Variants in LRFN2 observed in about 807,000 individuals in gnomAD.
The protein encoded by LRFN2 is leucine-rich repeat and fibronectin type-III domain-containing protein 2.
Under a neutral mutation model 37.3 loss-of-function variants are expected in LRFN2, and 18 were observed. That is an observed-to-expected ratio of 0.48 (90% confidence interval 0.33 to 0.72). The LOEUF is 0.72. Ranked by LOEUF, LRFN2 falls within the 30% of genes least tolerant of loss-of-function variation. The probability of loss-of-function intolerance (pLI) is 0.02; values close to 1 mark genes in which losing one functional copy is unlikely to be tolerated. For synonymous variants in LRFN2, 556 were observed against 466.6 expected (o/e 1.19, Z -2.47); for missense variants, 1,006 against 1,060.7 (o/e 0.95, Z 0.72).
chr6:40,518,947 G>T (rs948713186), intron 1 of LRFN2, among the ~76,000 whole-genome samples: 1 of 152,130 alleles, frequency 6.6e-6, no homozygotes, highest in African/African-American at 2.4e-5. Context: ...GAGTCTGGGG[G>T]CAGCAGAGAG....
chr6:40,403,296 C>G lies in LRFN2; in HGVS notation c.1401-10384G>C, dbSNP rs570000025. On this transcript the variant is annotated intron_variant, in intron 2 of 2. Coordinates refer to ENST00000338305, the MANE Select transcript of LRFN2 (RefSeq NM_020737.3). The stretch of plus-strand genomic sequence containing the variant: ...CCAAATGCTGGCCTTCCCTAAGCAC[C>G]AGGGCCTGAGTGATAATGGGGGAAG... Among the ~76,000 whole-genome samples the G allele has an allele frequency of 1.7e-4, 17 of 99,914 alleles. No homozygotes were observed. The South Asian group carries it at 8.1e-3, about 48-fold the overall frequency. The allele number at this position is 99,914 out of a possible 152,430, so 65.5% of individuals were successfully genotyped here. A position where few individuals can be genotyped will look rare whatever the true frequency, so the allele number is the denominator to read the frequency against.
In LRFN2 at chr6:40,500,874, C is replaced by A. The variant is rs947510874; in HGVS notation, c.-18-67743G>T. Among the ~76,000 whole-genome samples, 3 of 148,238 alleles carry A rather than the reference C, an allele frequency of 2.0e-5. No homozygotes were observed. The East Asian group carries it at 5.8e-4, about 29-fold the overall frequency. ...CATAGGAAGAAAATACACCAAAATG[C>A]CTACTGTGTTATCCTTGAAGATGTG... On this transcript the variant is annotated intron_variant, in intron 1 of 2. Transcript: ENST00000338305.
intron 2 of LRFN2, among the ~76,000 whole-genome samples, chr6:40,394,165 G>A (rs562708277): frequency 4.6e-5 from 7 of 152,198 alleles, no homozygotes; most frequent in African/African-American, 1.7e-4. Flanking sequence ...GTCCTCTCCT[G>A]CCTGGAACTC....
intron 2 of LRFN2, among the ~76,000 whole-genome samples, chr6:40,399,145 G>T (rs1223010692): frequency 6.6e-6 from 1 of 151,802 alleles, no homozygotes; most frequent in African/African-American, 2.4e-5. Context: ...CCCTGTCAGT[G>T]AATCTCCTCT....
chr6:40,447,674 C>T (rs983390785), intron 1 of LRFN2, among the ~76,000 whole-genome samples: 2 of 152,128 alleles, frequency 1.3e-5, no homozygotes, highest in African/African-American at 4.8e-5. Flanking sequence ...CATTTTCTGC[C>T]TTAACACATT....
intron 1 of LRFN2, among the ~76,000 whole-genome samples, chr6:40,468,527 G>A (rs1169095077): frequency 1.3e-5 from 2 of 152,152 alleles, no homozygotes; most frequent in Non-Finnish European, 1.5e-5. Flanking sequence ...TGGTGGGATT[G>A]TGTGCACTTA....
chr6:40,549,100 C>T (rs956016426), intron 1 of LRFN2, among the ~76,000 whole-genome samples: 1 of 152,188 alleles, frequency 6.6e-6, no homozygotes, highest in Non-Finnish European at 1.5e-5. Context: ...GGTGGGACAA[C>T]AAGCAACAAA....
chr6:40,485,237 A>G (rs1035326647), intron 1 of LRFN2, among the ~76,000 whole-genome samples: 4 of 152,222 alleles, frequency 2.6e-5, no homozygotes, highest in African/African-American at 7.2e-5. Context: ...CTCCCAAGTC[A>G]GTGTGGAAAT....
intron 1 of LRFN2, among the ~76,000 whole-genome samples, chr6:40,582,251 G>T (rs138139156): frequency 6.6e-6 from 1 of 152,058 alleles, no homozygotes; most frequent in African/African-American, 2.4e-5. Context: ...TGCTTCTTTA[G>T]GTTGTTTCTG....
chr6:40,425,245 A>G (rs1374925694), intron 2 of LRFN2, among the ~76,000 whole-genome samples: 30 of 152,132 alleles, frequency 2.0e-4, no homozygotes, highest in Admixed American at 2.0e-3. Context: ...CTCTCCTTAT[A>G]GCCCCTCACT....
intron 1 of LRFN2, among the ~76,000 whole-genome samples, chr6:40,520,136 G>A (rs570765309): frequency 7.2e-5 from 11 of 152,288 alleles, no homozygotes; most frequent in African/African-American, 1.2e-4. Flanking sequence ...AGGATTTTAC[G>A]TAATCTAGTG....
At chr6:40,539,734 G>A (rs756657701) in intron 1 of LRFN2, among the ~76,000 whole-genome samples, 35 of 152,094 alleles carry the variant, frequency 2.3e-4, no homozygotes, top group Non-Finnish European at 4.0e-4. Flanking sequence ...TTATATTTGT[G>A]TTTAGAGCAA....
chr6:40,488,830 G>C (rs1032415269), intron 1 of LRFN2, among the ~76,000 whole-genome samples: 3 of 152,102 alleles, frequency 2.0e-5, no homozygotes, highest in Non-Finnish European at 2.9e-5. Context: ...ATCCCTCAGG[G>C]TTTCAGGGCA....
chr6:40,413,494 C>A (rs1763018792), intron 2 of LRFN2, among the ~76,000 whole-genome samples: 1 of 152,198 alleles, frequency 6.6e-6, no homozygotes, highest in African/African-American at 2.4e-5. Context: ...CTTCCCCAGG[C>A]CTGTGCTGTC....
chr6:40,576,918 C>T (rs138405427), intron 1 of LRFN2, among the ~76,000 whole-genome samples: 80 of 152,016 alleles, frequency 5.3e-4, no homozygotes, highest in African/African-American at 1.8e-3. Flanking sequence ...TCCATCATCA[C>T]CTCATGTCCC....
At chr6:40,486,555 G>C (rs1159667686) in intron 1 of LRFN2, among the ~76,000 whole-genome samples, 1 of 152,168 alleles carries the variant, frequency 6.6e-6, no homozygotes, top group Non-Finnish European at 1.5e-5. Flanking sequence ...AATGGGTAGA[G>C]GGTCAGAGAA....
intron 1 of LRFN2, among the ~76,000 whole-genome samples, chr6:40,569,500 A>C (rs1228992396): frequency 6.6e-6 from 1 of 152,196 alleles, no homozygotes; most frequent in African/African-American, 2.4e-5. Context: ...GGTCAGGACC[A>C]TATGGGGTTT....
intron 1 of LRFN2, among the ~76,000 whole-genome samples, chr6:40,573,765 G>T (rs1021531146): frequency 6.6e-6 from 1 of 152,178 alleles, no homozygotes; most frequent in African/African-American, 2.4e-5. Flanking sequence ...ATCACCCGAG[G>T]TCATGAGTTC....
chr6:40,409,144 A>C (rs1182903562), intron 2 of LRFN2, among the ~76,000 whole-genome samples: 1 of 152,334 alleles, frequency 6.6e-6, no homozygotes, highest in African/African-American at 2.4e-5. Flanking sequence ...TGCACCCTTA[A>C]TAAAGCAAAT....
Sources: allele counts gnomAD v4.1 joint callset (sites outside exome capture counted in the v4.1 genomes callset), GRCh38; gene constraint gnomAD v4.1.1; transcripts MANE v1.5; gene names NCBI Gene and HGNC (gene_info 2026-07-23, HGNC 2026-07-21).